Variants in GXYLT1 observed in about 807,000 individuals in gnomAD.
The protein encoded by GXYLT1 is glycosyltransferase 8 domain containing 3.
GXYLT1 carries 29 observed loss-of-function variants against 54.0 expected under a neutral mutation model. The ratio of observed to expected loss-of-function variants is 0.54; its 90% CI spans 0.40 to 0.73. The LOEUF (loss-of-function observed/expected upper bound fraction) is 0.73. Ranked by LOEUF, GXYLT1 falls within the 30% of genes least tolerant of loss-of-function variation. The pLI is 0.00. For synonymous variants in GXYLT1, 176 were observed against 204.1 expected (o/e 0.86, Z 1.17); for missense variants, 490 against 553.4 (o/e 0.89, Z 1.15).
intron 1 of GXYLT1, among the ~76,000 whole-genome samples, chr12:42,143,664 A>G (rs2065663753): frequency 6.6e-6 from 1 of 152,226 alleles, no homozygotes; most frequent in African/African-American, 2.4e-5. Context: ...TCAAGCATTC[A>G]TAATGCGTTG....
intron 4 of GXYLT1, among the ~76,000 whole-genome samples, chr12:42,107,443 C>A (rs1203830694): frequency 6.6e-6 from 1 of 152,154 alleles, no homozygotes; most frequent in Non-Finnish European, 1.5e-5. Flanking sequence ...GTAATCCTAG[C>A]ACTTTGGGAG....
At chr12:42,115,679 C>T (rs935955316) in intron 3 of GXYLT1, among the ~76,000 whole-genome samples, 2 of 151,718 alleles carry the variant, frequency 1.3e-5, no homozygotes, top group Admixed American at 1.3e-4. Flanking sequence ...TAGGAAGAAT[C>T]AATATCATGA....
rs565885839 is a variant in GXYLT1, at chr12:42,109,513, G to A, written c.612+53C>T. 90 of 1,243,496 alleles carry A rather than the reference G, an allele frequency of 7.2e-5. No individual in the cohort carries two copies. The African/African-American group carries it at 1.4e-3, about 19-fold the overall frequency. The allele number at this position is 1,243,496 out of a possible 1,614,324, so 77.0% of individuals were successfully genotyped here. A position where few individuals can be genotyped will look rare whatever the true frequency, so the allele number is the denominator to read the frequency against. ...TTCAGAGACTCATGTGTAAAAGTAA[G>A]GTTCAAATTTAAAAAAAAAAAAAAA... is the stretch of plus-strand genomic sequence containing the variant. On this transcript the variant is annotated intron_variant, in intron 4 of 7. Transcript: ENST00000398675.
chr12:42,098,784 T>TATATATATATATATATATATATAA (rs1017764424), intron 5 of GXYLT1, among the ~76,000 whole-genome samples: 43 of 134,374 alleles, frequency 3.2e-4, no homozygotes, highest in Admixed American at 1.7e-3. Flanking sequence ...TATATATATA[T>TATATATATATATATATATATATAA]AATACATGTG....
intron 1 of GXYLT1, among the ~76,000 whole-genome samples, chr12:42,136,773 T>TACATACATACATACATACATACATACAA (rs1221040992): frequency 6.6e-6 from 1 of 150,422 alleles, no homozygotes; most frequent in Non-Finnish European, 1.5e-5. Flanking sequence ...CATACATACA[T>TACATACATACATACATACATACATACAA]ACATACATAC....
In GXYLT1 at chr12:42,133,037, C is replaced by A. The variant is rs555540428; in HGVS notation, c.222-3186G>T. ...GTGGTTCATGCCTCTAATCCCAGCA[C>A]TTTGGGAGGCCAAGGTAGGCGGATC... On this transcript the variant is annotated intron_variant, in intron 1 of 7. Transcript: ENST00000398675. Among the ~76,000 whole-genome samples, 7 of 152,218 alleles carry A rather than the reference C, an allele frequency of 4.6e-5. No individual in the cohort carries two copies. In the South Asian group the frequency reaches 1.4e-3, roughly 32 times the overall value.
At chr12:42,089,015 T>C (rs1331336032) in intron 7 of GXYLT1, among the ~76,000 whole-genome samples, 1 of 151,920 alleles carries the variant, frequency 6.6e-6, no homozygotes, top group Non-Finnish European at 1.5e-5. Flanking sequence ...ATCCTAAACT[T>C]TGGCATCTTT....
At chr12:42,103,318 A>G (rs1688884) in intron 5 of GXYLT1, among the ~76,000 whole-genome samples, 117,745 of 151,748 alleles carry the variant, frequency 0.78, 46,025 homozygotes, top group African/African-American at 0.85. Flanking sequence ...GAACAGCCAC[A>G]AGTAGTAAGA....
intron 2 of GXYLT1, among the ~76,000 whole-genome samples, chr12:42,120,051 A>G (rs2065521240): frequency 6.6e-6 from 1 of 152,176 alleles, no homozygotes; most frequent in Non-Finnish European, 1.5e-5. Flanking sequence ...GCCTTAGGAA[A>G]TCAGAGCTTA....
chr12:42,116,569 C>T (rs1314248391), intron 3 of GXYLT1, among the ~76,000 whole-genome samples: 1 of 152,114 alleles, frequency 6.6e-6, no homozygotes, highest in East Asian at 1.9e-4. Flanking sequence ...AAATCAAAAC[C>T]ACAACGAGAT....
chr12:42,144,230 G>A (rs2065666863), intron 1 of GXYLT1, among the ~76,000 whole-genome samples, 196 bp downstream of exon 1: 1 of 152,236 alleles, frequency 6.6e-6, no homozygotes, highest in African/African-American at 2.4e-5. Context: ...AACACAGAAA[G>A]TGTAGGACAC....
At chr12:42,102,400 C>CT (rs1213510338) in intron 5 of GXYLT1, among the ~76,000 whole-genome samples, 1 of 152,186 alleles carries the variant, frequency 6.6e-6, no homozygotes, top group African/African-American at 2.4e-5. Context: ...ATTGTATCTA[C>CT]TTCATACAAA....
chr12:42,114,760 A>G (rs2065482540), intron 3 of GXYLT1, among the ~76,000 whole-genome samples: 1 of 152,192 alleles, frequency 6.6e-6, no homozygotes, highest in African/African-American at 2.4e-5. Flanking sequence ...AAAAGAAGGA[A>G]TCCTCCCTAA....
At chr12:42,143,985 T>TACAC (rs1201160040) in intron 1 of GXYLT1, among the ~76,000 whole-genome samples, 36 of 151,846 alleles carry the variant, frequency 2.4e-4, no homozygotes, top group African/African-American at 8.2e-4. Context: ...AGGGACAAAA[T>TACAC]ACACACACAT....
At chr12:42,111,069 A>C (rs2065451168) in intron 3 of GXYLT1, among the ~76,000 whole-genome samples, 1 of 152,228 alleles carries the variant, frequency 6.6e-6, no homozygotes, top group African/African-American at 2.4e-5. Flanking sequence ...AAGACTCCCA[A>C]AATTGGCAGC....
rs549047522 is a variant in GXYLT1 at position 42,133,538 on chromosome 12, G to C, written c.222-3687C>G. On this transcript the variant is annotated intron_variant, in intron 1 of 7. Transcript: ENST00000398675. Reference sequence around the variant, plus strand: ...GCCTCCACTGAGCTCCTAGTCAAAAGCCAGCATCAACTGCTAGCCATGTAA... The same window carrying C: ...GCCTCCACTGAGCTCCTAGTCAAAACCCAGCATCAACTGCTAGCCATGTAA... Among the ~76,000 whole-genome samples the C allele has an allele frequency of 3.3e-5, 5 of 152,180 alleles. No individual in the cohort carries two copies. The South Asian group carries it at 8.3e-4, about 25-fold the overall frequency.
intron 2 of GXYLT1, among the ~76,000 whole-genome samples, chr12:42,126,974 T>C (rs532615548): frequency 3.9e-5 from 6 of 152,052 alleles, no homozygotes; most frequent in Non-Finnish European, 8.8e-5. Context: ...ACACTTGTAA[T>C]AGGAGTTGAG....
chr12:42,089,342 T>TG (rs978187949), intron 7 of GXYLT1, among the ~76,000 whole-genome samples: 2 of 57,842 alleles, frequency 3.5e-5, no homozygotes, highest in African/African-American at 1.4e-4. Context: ...TGTTGTGGGG[T>TG]GGGGGGAGGG....
intron 3 of GXYLT1, among the ~76,000 whole-genome samples, chr12:42,111,877 A>G (rs917178962): frequency 1.3e-5 from 2 of 152,176 alleles, no homozygotes; most frequent in Admixed American, 6.5e-5. Context: ...CCTAACTGGG[A>G]GGCACCCCAC....
Sources: allele counts gnomAD v4.1 joint callset (sites outside exome capture counted in the v4.1 genomes callset), GRCh38; gene constraint gnomAD v4.1.1; transcripts MANE v1.5; gene names NCBI Gene and HGNC (gene_info 2026-07-23, HGNC 2026-07-21).